The following OTUD4 variants were observed in gnomAD, a reference collection of about 807,000 sequenced individuals.
The protein encoded by OTUD4 is OTU domain-containing protein 4.
Under a neutral mutation model 130.4 loss-of-function variants are expected in OTUD4, and 24 were observed. The observed-to-expected ratio is 0.18, with a 90% confidence interval of 0.13 to 0.26. OTUD4 has a LOEUF of 0.26. Among genes scored for constraint, OTUD4 ranks in the 10% least tolerant of loss-of-function variants. The probability of loss-of-function intolerance (pLI) is 1.00; values close to 1 mark genes in which losing one functional copy is unlikely to be tolerated. For synonymous variants in OTUD4, 420 were observed against 472.5 expected, an observed-to-expected ratio of 0.89 and a Z score of 1.44; for missense variants, 1,031 against 1,329.4, an observed-to-expected ratio of 0.78 and a Z score of 3.49.
intron 10 of OTUD4, 75 bp downstream of exon 10, chr4:145,155,336 G>T: frequency 1.8e-6 from 2 of 1,102,068 alleles, no homozygotes; most frequent in Non-Finnish European, 2.7e-6. Flanking sequence ...TCACACCTCA[G>T]CTGTTTTCTC....
intron 5 of OTUD4, 136 bp downstream of exon 5, chr4:145,164,018 T>C: frequency 3.7e-6 from 2 of 538,604 alleles, no homozygotes; most frequent in Non-Finnish European, 6.7e-6. Context: ...ATAGGAACTT[T>C]TAAGAAATCA....
chr4:145,159,152 C>G, intron 7 of OTUD4: 1 of 1,042,618 alleles, frequency 9.6e-7, no homozygotes, highest in Non-Finnish European at 1.2e-6. Flanking sequence ...GAAATCCAAA[C>G]GGCCATTTTA....
intron 13 of OTUD4, among the ~76,000 whole-genome samples, chr4:145,148,499 C>CAAA (rs1266356650): frequency 1.1e-5 from 1 of 93,736 alleles, no homozygotes; most frequent in African/African-American, 4.1e-5. Flanking sequence ...AACTCCGTCT[C>CAAA]AAAAAAAAAA....
chr4:145,179,154 A>G (rs1752569349), intron 1 of OTUD4, among the ~76,000 whole-genome samples: 1 of 152,212 alleles, frequency 6.6e-6, no homozygotes, highest in African/African-American at 2.4e-5. Flanking sequence ...CCTTTCTACT[A>G]CCAACATCAA....
At chr4:145,174,313 G>A (rs1248862808) in intron 2 of OTUD4, among the ~76,000 whole-genome samples, 1 of 151,974 alleles carries the variant, frequency 6.6e-6, no homozygotes, top group Non-Finnish European at 1.5e-5. Flanking sequence ...ACCCATCACA[G>A]AAACCACTAT....
Position 145,137,881 on chromosome 4 carries a change from G to A in OTUD4, c.2894C>T (p.Thr965Ile). 6.2e-7 allele frequency: 1 copy of A among 1,614,134 alleles called. No homozygotes were observed. Among genetic ancestry groups the A allele is most frequent in the Non-Finnish European group, 8.5e-7 (1 of 1,180,022 alleles). ...TTCTCTCTCTCTGTTTAGAATCTGA[G>A]TGGGAGGATGAGCCTTTCCCTCTGC... Reference protein sequence around the residue: ...PVAEGKAHPPTQILNRERETV... With the variant: ...PVAEGKAHPPIQILNRERETV... The change falls in exon 21 of 21, where the codon ACT becomes ATT. Residue 965 changes from threonine to isoleucine, a missense_variant. By Grantham distance (89) the Thr-to-Ile change is moderately conservative. Coordinates refer to ENST00000447906, the MANE Select transcript of OTUD4 (RefSeq NM_001366057.1).
chr4:145,144,570 A>C, intron 14 of OTUD4, 136 bp from the exon 15 acceptor site: 1 of 753,948 alleles, frequency 1.3e-6, no homozygotes. Context: ...ACTGAAACTA[A>C]AGAAGATAGA....
intron 10 of OTUD4, among the ~76,000 whole-genome samples, chr4:145,154,436 A>T (rs1751192156): frequency 1.3e-5 from 2 of 152,232 alleles, no homozygotes; most frequent in Non-Finnish European, 2.9e-5. Flanking sequence ...TTCCTCCATA[A>T]GTCAAAAAGA....
chr4:145,138,713 A>C, intron 20 of OTUD4, 63 bp from the exon 21 acceptor site: 8 of 1,448,482 alleles, frequency 5.5e-6, no homozygotes, highest in Non-Finnish European at 7.5e-6. Flanking sequence ...TTGGGTGGAT[A>C]TCAATCTACA....
chr4:145,149,778 T>C (rs1401266586), intron 13 of OTUD4: 4 of 152,196 alleles, frequency 2.6e-5, no homozygotes, highest in Non-Finnish European at 4.4e-5. Flanking sequence ...CTTCGGGCAA[T>C]TGAGAAGGTG....
chr4:145,172,201 T>C (rs1210295603), intron 2 of OTUD4, among the ~76,000 whole-genome samples: 1 of 152,238 alleles, frequency 6.6e-6, no homozygotes. Context: ...GAAAGGCCAT[T>C]CAAGGCCACT....
intron 6 of OTUD4, among the ~76,000 whole-genome samples, chr4:145,160,768 A>G (rs1751521266): frequency 6.6e-6 from 1 of 152,122 alleles, no homozygotes; most frequent in Non-Finnish European, 1.5e-5. Context: ...AACTGAGATC[A>G]TGCCACTGCA....
chr4:145,179,527 A>C (rs1234583634), intron 1 of OTUD4: 1 of 977,616 alleles, frequency 1.0e-6, no homozygotes, highest in Non-Finnish European at 1.3e-6. Context: ...CCAGCAATAA[A>C]TCAACTGTAC....
Position 145,159,511 on chromosome 4 carries a change from G to A in OTUD4, c.621C>T (p.Asp207=), listed in dbSNP as rs1751453126. Residue 207 remains aspartate (D), a synonymous_variant, in exon 7 of 21, where the codon GAC becomes GAT. Coordinates refer to ENST00000447906, the MANE Select transcript of OTUD4 (RefSeq NM_001366057.1). ...DNSEISDSED[D]SCKSKTAAAA... is the part of the protein sequence containing the mutation. ...TAGGATTTCATTCTTACTTGCAACTGTCATCCTCTGAATCTGATATTTCAC... is the reference window on the plus strand; with the variant it reads ...TAGGATTTCATTCTTACTTGCAACTATCATCCTCTGAATCTGATATTTCAC... The A allele has an allele frequency of 6.2e-7, 1 of 1,613,348 alleles. No homozygotes were observed. Among genetic ancestry groups the A allele is most frequent in the Non-Finnish European group, 8.5e-7 (1 of 1,179,680 alleles).
At chr4:145,145,660 G>C (rs1375139670) in intron 14 of OTUD4, among the ~76,000 whole-genome samples, 3 of 152,144 alleles carry the variant, frequency 2.0e-5, no homozygotes, top group African/African-American at 7.2e-5. Context: ...GAATGAATTA[G>C]GTACCCCTCC....
intron 5 of OTUD4, among the ~76,000 whole-genome samples, chr4:145,163,546 T>C (rs901522195): frequency 1.3e-5 from 2 of 152,100 alleles, no homozygotes; most frequent in Non-Finnish European, 2.9e-5. Flanking sequence ...TACTAATGTT[T>C]ATATTGATAA....
At chr4:145,144,694 A>G (rs2126748444) in intron 14 of OTUD4, among the ~76,000 whole-genome samples, 1 of 152,226 alleles carries the variant, frequency 6.6e-6, no homozygotes, top group South Asian at 2.1e-4. Flanking sequence ...TCATATCCCT[A>G]TTTCAGGAAG....
At chr4:145,174,802 A>C in intron 1 of OTUD4, 58 bp from the exon 2 acceptor site, 1 of 912,842 alleles carries the variant, frequency 1.1e-6, no homozygotes, top group African/African-American at 1.6e-5. Flanking sequence ...TTACAACCTA[A>C]TGTCTTCTTT....
At chr4:145,151,770 A>G (rs1228607504) in intron 11 of OTUD4, among the ~76,000 whole-genome samples, 1 of 152,238 alleles carries the variant, frequency 6.6e-6, no homozygotes, top group Non-Finnish European at 1.5e-5. Context: ...ATTTTTCCAC[A>G]GTAAAGTTTA....
Sources: allele counts gnomAD v4.1 joint callset (sites outside exome capture counted in the v4.1 genomes callset), GRCh38; gene constraint gnomAD v4.1.1; transcripts MANE v1.5; gene names NCBI Gene and HGNC (gene_info 2026-07-23, HGNC 2026-07-21).